Variants in CHCHD6 observed in about 807,000 individuals in gnomAD.
The protein encoded by CHCHD6 is MICOS complex subunit MIC25.
A neutral mutation model predicts 32.3 loss-of-function variants in CHCHD6; 28 were observed. The ratio of observed to expected loss-of-function variants is 0.87; its 90% CI spans 0.64 to 1.19. The LOEUF (loss-of-function observed/expected upper bound fraction) is 1.19, where lower values mean the gene tolerates loss of function less well. CHCHD6 is among the 50% of genes most tolerant of loss of function. The probability of loss-of-function intolerance (pLI) is 0.00; values close to 1 mark genes in which losing one functional copy is unlikely to be tolerated. For missense variants in CHCHD6, 333 were observed against 307.0 expected, an observed-to-expected ratio of 1.08 and a Z score of -0.63; for synonymous variants, 122 against 117.5, an observed-to-expected ratio of 1.04 and a Z score of -0.25.
chr3:126,725,323 T>A (rs1201259795), intron 1 of CHCHD6, among the ~76,000 whole-genome samples: 2 of 152,248 alleles, frequency 1.3e-5, no homozygotes. Flanking sequence ...ACCAGGTGCA[T>A]TGTCAAGGAG....
At chr3:126,868,471 C>T (rs763501086) in intron 5 of CHCHD6, among the ~76,000 whole-genome samples, 16 of 151,890 alleles carry the variant, frequency 1.1e-4, no homozygotes, top group Non-Finnish European at 2.2e-4. Flanking sequence ...TGCTTATACT[C>T]GTCTTAAGTA....
chr3:126,773,451 A>G (rs889757760), intron 4 of CHCHD6, among the ~76,000 whole-genome samples: 1 of 152,178 alleles, frequency 6.6e-6, no homozygotes, highest in Non-Finnish European at 1.5e-5. Context: ...GAGCCATGAC[A>G]GCGATAGGGC....
intron 4 of CHCHD6, among the ~76,000 whole-genome samples, chr3:126,765,256 C>T (rs1937321140): frequency 6.6e-6 from 1 of 152,154 alleles, no homozygotes; most frequent in African/African-American, 2.4e-5. Flanking sequence ...TTTAAAGCAC[C>T]CAAACCAGTC....
intron 6 of CHCHD6, among the ~76,000 whole-genome samples, chr3:126,954,804 A>G (rs2078761085): frequency 6.6e-6 from 1 of 152,232 alleles, no homozygotes; most frequent in African/African-American, 2.4e-5. Context: ...GGAGGAACAG[A>G]AGACACAGCA....
chr3:126,730,727 T>G lies in CHCHD6; in HGVS notation c.266+97T>G, dbSNP rs2107658376. 3.1e-6 allele frequency: 3 copies of G among 954,434 alleles called. No individual in the cohort carries two copies. The East Asian group carries it at 7.3e-5, about 23-fold the overall frequency. 59.1% of individuals were successfully genotyped at this position (954,434 alleles called of 1,614,324 possible). On this transcript the variant is annotated intron_variant, in intron 3 of 7. Coordinates refer to ENST00000290913, the MANE Select transcript of CHCHD6 (RefSeq NM_032343.3). ...TCTCCTTGCCTGAAGCCCTGGAGGC[T>G]TTGTCTCACATAATTAATCTCAGTT...
chr3:126,935,182 G>T lies in CHCHD6; in HGVS notation c.566+20432G>T, dbSNP rs758096491. 57 of 987,144 alleles carry T rather than the reference G, an allele frequency of 5.8e-5. No individual in the cohort carries two copies. The South Asian group carries it at 1.4e-3, about 24-fold the overall frequency. The allele number at this position is 987,144 out of a possible 1,614,324, so 61.1% of individuals were successfully genotyped here. ...CTTTGGAAACATTTCTGCCTTGAATGTCAGGTAGTGGTGAGCGGGATGGCA... is the reference window on the plus strand; with the variant it reads ...CTTTGGAAACATTTCTGCCTTGAATTTCAGGTAGTGGTGAGCGGGATGGCA... On this transcript the variant is annotated intron_variant, in intron 6 of 7. Transcript: ENST00000290913.
intron 5 of CHCHD6, among the ~76,000 whole-genome samples, chr3:126,893,230 G>T (rs2077790509): frequency 6.6e-6 from 1 of 152,176 alleles, no homozygotes; most frequent in East Asian, 1.9e-4. Context: ...CCAAAGTGCT[G>T]GGATTACAGG....
At chr3:126,871,661 CTTTTT>C (rs869191195) in intron 5 of CHCHD6, among the ~76,000 whole-genome samples, 2 of 125,122 alleles carry the variant, frequency 1.6e-5, no homozygotes, top group Non-Finnish European at 3.3e-5. Context: ...GACCCCCCAA[CTTTTT>C]TTTTTTTTTT....
intron 5 of CHCHD6, among the ~76,000 whole-genome samples, chr3:126,860,276 A>G (rs553278710): frequency 1.3e-5 from 2 of 152,190 alleles, no homozygotes; most frequent in African/African-American, 4.8e-5. Flanking sequence ...TTCCACCGTC[A>G]TGGGGAGCAC....
At chr3:126,839,231 A>G (rs1015514750) in intron 4 of CHCHD6, among the ~76,000 whole-genome samples, 7 of 152,122 alleles carry the variant, frequency 4.6e-5, no homozygotes, top group Non-Finnish European at 8.8e-5. Context: ...GTCACTTGGA[A>G]TAAAGCGGTA....
intron 5 of CHCHD6, among the ~76,000 whole-genome samples, chr3:126,869,657 T>C (rs934185995): frequency 1.3e-5 from 2 of 152,216 alleles, no homozygotes; most frequent in Non-Finnish European, 2.9e-5. Flanking sequence ...AGGACTTCTT[T>C]ATATAATATG....
intron 6 of CHCHD6, among the ~76,000 whole-genome samples, chr3:126,926,329 C>T (rs943536462): frequency 1.6e-4 from 24 of 152,224 alleles, no homozygotes; most frequent in Non-Finnish European, 3.5e-4. Context: ...TTTGTATCCT[C>T]AGGGTCCAAT....
chr3:126,751,580 C>T (rs1936722006), intron 4 of CHCHD6, among the ~76,000 whole-genome samples: 1 of 150,894 alleles, frequency 6.6e-6, no homozygotes, highest in African/African-American at 2.4e-5. Flanking sequence ...AGCCCAGATT[C>T]TGCTCCTTTG....
intron 5 of CHCHD6, among the ~76,000 whole-genome samples, chr3:126,867,201 T>A (rs952384930): frequency 5.3e-5 from 8 of 152,236 alleles, no homozygotes; most frequent in Non-Finnish European, 1.2e-4. Context: ...GAAATTGTCA[T>A]GCAAGGCCAA....
intron 5 of CHCHD6, among the ~76,000 whole-genome samples, chr3:126,913,064 G>C (rs1307760220): frequency 6.6e-6 from 1 of 152,184 alleles, no homozygotes; most frequent in Non-Finnish European, 1.5e-5. Context: ...AAATGTGCAA[G>C]GCAACGCAGC....
chr3:126,755,395 C>A (rs972372585), intron 4 of CHCHD6, among the ~76,000 whole-genome samples: 2 of 152,200 alleles, frequency 1.3e-5, no homozygotes, highest in African/African-American at 4.8e-5. Flanking sequence ...AGTCCCTGGG[C>A]ATGTGTCTTG....
chr3:126,871,938 C>T (rs533026157), intron 5 of CHCHD6, among the ~76,000 whole-genome samples: 2 of 152,112 alleles, frequency 1.3e-5, no homozygotes, highest in South Asian at 4.2e-4. Flanking sequence ...GTGCTGGGAT[C>T]ACAGGCATGA....
chr3:126,830,340 A>G lies in CHCHD6; in HGVS notation c.412-22307A>G, dbSNP rs145472088. On this transcript the variant is annotated intron_variant, in intron 4 of 7. Coordinates refer to ENST00000290913, the MANE Select transcript of CHCHD6 (RefSeq NM_032343.3). ...AGGCCTCTGGATCTTATGCCTCTTTAGAGCCTCTTAGGGTGCACTTAGTGA... is the reference window on the plus strand; with the variant it reads ...AGGCCTCTGGATCTTATGCCTCTTTGGAGCCTCTTAGGGTGCACTTAGTGA... 2.7e-3 allele frequency among the ~76,000 whole-genome samples: 413 copies of G among 152,316 alleles called. 3 individuals are homozygous for G. Among genetic ancestry groups the G allele is most frequent in the South Asian group, 0.019 (91 of 4,826 alleles).
At chr3:126,767,405 G>C in intron 4 of CHCHD6, 1 of 741,306 alleles carries the variant, frequency 1.3e-6, no homozygotes, top group Non-Finnish European at 2.5e-6. Context: ...GAGTCTGGGG[G>C]CTCCTACTCT....
Sources: allele counts gnomAD v4.1 joint callset (sites outside exome capture counted in the v4.1 genomes callset), GRCh38; gene constraint gnomAD v4.1.1; transcripts MANE v1.5; gene names NCBI Gene and HGNC (gene_info 2026-07-23, HGNC 2026-07-21).